The following FMNL2 variants were observed in gnomAD, a reference collection of about 807,000 sequenced individuals.
FMNL2 encodes the protein formin like 2.
Under a neutral mutation model 130.2 loss-of-function variants are expected in FMNL2, and 51 were observed. The ratio of observed to expected loss-of-function variants is 0.39; its 90% CI spans 0.31 to 0.49. The LOEUF is 0.49. Among genes scored for constraint, FMNL2 ranks in the 20% least tolerant of loss-of-function variants. The pLI, the probability that FMNL2 is intolerant of heterozygous loss-of-function variation, is 0.85. For synonymous variants in FMNL2, 465 were observed against 467.1 expected (o/e 1.00, Z 0.06); for missense variants, 977 against 1,316.2 (o/e 0.74, Z 3.99).
chr2:152,572,643 T>C (rs1015645809), intron 6 of FMNL2, among the ~76,000 whole-genome samples: 8 of 152,040 alleles, frequency 5.3e-5, no homozygotes, highest in African/African-American at 1.7e-4. Context: ...TTTTTTTAAT[T>C]AACTGGGCAT....
At chr2:152,383,788 G>C (rs551525436) in intron 1 of FMNL2, among the ~76,000 whole-genome samples, 1 of 152,298 alleles carries the variant, frequency 6.6e-6, no homozygotes, top group Non-Finnish European at 1.5e-5. Flanking sequence ...CATTTATTTA[G>C]TCTTCAAGGG....
At chr2:152,365,995 A>C (rs546764595) in intron 1 of FMNL2, among the ~76,000 whole-genome samples, 46 of 152,208 alleles carry the variant, frequency 3.0e-4, no homozygotes, top group African/African-American at 1.1e-3. Flanking sequence ...AAAAATTAAC[A>C]TGTAGTAGCA....
At chr2:152,603,432 T>G (rs1009387404) in intron 9 of FMNL2, among the ~76,000 whole-genome samples, 1 of 140,300 alleles carries the variant, frequency 7.1e-6, no homozygotes, top group Non-Finnish European at 1.6e-5. Flanking sequence ...TAGAGGTATT[T>G]CTCTGTTTTG....
chr2:152,492,034 TGAAA>T (rs1691238625), intron 1 of FMNL2, among the ~76,000 whole-genome samples: 1 of 152,200 alleles, frequency 6.6e-6, no homozygotes, highest in Non-Finnish European at 1.5e-5. Flanking sequence ...TTATGTACTA[TGAAA>T]AATAGTAAAT....
chr2:152,530,644 A>G (rs967702789), intron 2 of FMNL2, among the ~76,000 whole-genome samples: 16 of 152,352 alleles, frequency 1.1e-4, no homozygotes, highest in African/African-American at 3.1e-4. Context: ...ACATACACTT[A>G]AAAGTAAACT....
intron 1 of FMNL2, among the ~76,000 whole-genome samples, chr2:152,376,956 C>T (rs1268587505): frequency 1.3e-5 from 2 of 152,210 alleles, no homozygotes; most frequent in Admixed American, 6.5e-5. Flanking sequence ...GATAGAGACC[C>T]TGTGAAGGGT....
chr2:152,414,259 A>T (rs958065426), intron 1 of FMNL2, among the ~76,000 whole-genome samples: 2 of 151,646 alleles, frequency 1.3e-5, no homozygotes, highest in Admixed American at 6.6e-5. Context: ...TCTAATACAG[A>T]CTCTTTCACC....
chr2:152,519,285 A>G (rs1361829743), intron 1 of FMNL2, among the ~76,000 whole-genome samples: 1 of 152,092 alleles, frequency 6.6e-6, no homozygotes, highest in East Asian at 1.9e-4. Context: ...GTGTCTCCCC[A>G]CCATAACACA....
chr2:152,638,936 G>C (rs766651560), intron 23 of FMNL2, among the ~76,000 whole-genome samples: 2 of 152,224 alleles, frequency 1.3e-5, no homozygotes, highest in Non-Finnish European at 2.9e-5. Flanking sequence ...CAAAGCCTGA[G>C]GCATCAGCAG....
At chr2:152,564,779 T>G (rs1028053830) in intron 6 of FMNL2, among the ~76,000 whole-genome samples, 1 of 131,072 alleles carries the variant, frequency 7.6e-6, no homozygotes, top group Non-Finnish European at 1.6e-5. Context: ...AAGGTTGGTT[T>G]TTTTTTTTTT....
At chr2:152,633,102 T>C (rs1489851467) in intron 21 of FMNL2, among the ~76,000 whole-genome samples, 4 of 150,784 alleles carry the variant, frequency 2.7e-5, no homozygotes, top group Non-Finnish European at 4.4e-5. Context: ...TGCTCTTCTT[T>C]TTTTTTTTTT....
chr2:152,456,827 A>C (rs1163455061), intron 1 of FMNL2, among the ~76,000 whole-genome samples: 1 of 151,758 alleles, frequency 6.6e-6, no homozygotes, highest in Non-Finnish European at 1.5e-5. Context: ...AGTCCCAGCT[A>C]CTCAGGAGGC....
intron 25 of FMNL2, among the ~76,000 whole-genome samples, chr2:152,646,751 G>A (rs1043881443): frequency 2.0e-5 from 3 of 152,152 alleles, no homozygotes; most frequent in African/African-American, 7.2e-5. Context: ...TCTAGCAGAA[G>A]TCAACAATAC....
chr2:152,562,589 A>G lies in FMNL2; in HGVS notation c.596+1554A>G, dbSNP rs574358031. 6.6e-5 allele frequency among the ~76,000 whole-genome samples: 10 copies of G among 152,366 alleles called. No individual in the cohort carries two copies. In the South Asian group the frequency reaches 1.9e-3, roughly 28 times the overall value. Reference sequence around the variant, plus strand: ...TTTCCTTGTTTAGAACTGGAAAAAAATGTTAATGGGTTTGGAATGAATTGA... The same window carrying G: ...TTTCCTTGTTTAGAACTGGAAAAAAGTGTTAATGGGTTTGGAATGAATTGA... On this transcript the variant is annotated intron_variant, in intron 6 of 25. Transcript: ENST00000288670.
chr2:152,439,320 T>C (rs16831125), intron 1 of FMNL2, among the ~76,000 whole-genome samples: 1 of 152,082 alleles, frequency 6.6e-6, no homozygotes, highest in Non-Finnish European at 1.5e-5. Flanking sequence ...AACTTAACCT[T>C]TGAAAATAAG....
Position 152,561,010 on chromosome 2 carries a change from C to G in FMNL2, c.571C>G (p.Arg191Gly). The change falls in exon 6 of 26, where the codon CGC (arginine) becomes GGC (glycine). Residue 191 changes from arginine (R) to glycine (G), a missense_variant. Coordinates refer to ENST00000288670, the MANE Select transcript of FMNL2 (RefSeq NM_052905.4). ...CTCACCTGTGGGCAACAGTGTCTCC[C>G]GCTCTGGAAGACATTCTGCACTGCG... ...LPSPVGNSVS[R>G]SGRHSALRYN... 1 of 1,601,524 alleles carries G rather than the reference C, an allele frequency of 6.2e-7. No individual in the cohort carries two copies. Among genetic ancestry groups the G allele is most frequent in the South Asian group, 1.1e-5 (1 of 88,996 alleles).
rs145715472 is a variant in FMNL2 at position 152,577,254 on chromosome 2, G to A, written c.706-1634G>A. ...AGGTGAGTAGTAGAGGGTGGCACCA[G>A]GGCTTTTGTCTTGGGCACCTGTGAG... On this transcript the variant is annotated intron_variant, in intron 7 of 25. Coordinates refer to ENST00000288670, the MANE Select transcript of FMNL2 (RefSeq NM_052905.4). Among the ~76,000 whole-genome samples, 875 of 152,242 alleles carry A rather than the reference G, an allele frequency of 5.7e-3. 14 individuals are homozygous for A. Among genetic ancestry groups the A allele is most frequent in the African/African-American group, 0.02 (834 of 41,522 alleles).
chr2:152,646,289 C>T (rs715046), intron 25 of FMNL2, among the ~76,000 whole-genome samples: 23,304 of 151,986 alleles, frequency 0.15, 2,580 homozygotes, highest in African/African-American at 0.32. Context: ...CAGAGATCAC[C>T]ACTACACTCG....
At chr2:152,413,123 G>A (rs1474190421) in intron 1 of FMNL2, among the ~76,000 whole-genome samples, 1 of 152,140 alleles carries the variant, frequency 6.6e-6, no homozygotes, top group Admixed American at 6.5e-5. Context: ...GCAAGTCAAG[G>A]TGACAGTTTT....
Sources: gnomAD v4.1 joint callset for allele counts (sites outside exome capture counted in the v4.1 genomes callset) on GRCh38, gnomAD v4.1.1 for gene constraint, MANE v1.5 for transcripts, NCBI Gene and HGNC (gene_info 2026-07-23, HGNC 2026-07-21) for gene names.